The following PIK3CB variants were observed in gnomAD, a reference collection of about 807,000 sequenced individuals.
The protein encoded by PIK3CB is phosphatidylinositol 4,5-bisphosphate 3-kinase catalytic subunit beta isoform.
Under a neutral mutation model 136.8 loss-of-function variants are expected in PIK3CB, and 39 were observed. That is an observed-to-expected ratio of 0.29 (90% CI 0.22 to 0.37). The LOEUF (loss-of-function observed/expected upper bound fraction) is 0.37. Among genes scored for constraint, PIK3CB ranks in the 10% least tolerant of loss-of-function variants. The pLI, the probability that PIK3CB is intolerant of heterozygous loss-of-function variation, is 1.00. For missense variants in PIK3CB, 868 were observed against 1,275.4 expected, an observed-to-expected ratio of 0.68 and a Z score of 4.87; for synonymous variants, 428 against 436.6, an observed-to-expected ratio of 0.98 and a Z score of 0.25.
At chr3:138,776,515 C>A (rs1304919890) in intron 2 of PIK3CB, among the ~76,000 whole-genome samples, 1 of 151,928 alleles carries the variant, frequency 6.6e-6, no homozygotes. Context: ...TTGACAAAAC[C>A]CTGCCTCTAC....
At chr3:138,703,330 A>G (rs1181771111) in intron 12 of PIK3CB, among the ~76,000 whole-genome samples, 1 of 152,208 alleles carries the variant, frequency 6.6e-6, no homozygotes, top group Non-Finnish European at 1.5e-5. Context: ...ACTGGCCAAA[A>G]TTAAATAGTG....
At chr3:138,793,703 G>A (rs1016771520) in intron 2 of PIK3CB, among the ~76,000 whole-genome samples, 4 of 151,610 alleles carry the variant, frequency 2.6e-5, no homozygotes, top group African/African-American at 9.7e-5. Flanking sequence ...AGGTGGATGA[G>A]GACCATAGTG....
At chr3:138,692,042 A>AC (rs2044020881) in intron 14 of PIK3CB, among the ~76,000 whole-genome samples, 1 of 152,202 alleles carries the variant, frequency 6.6e-6, no homozygotes, top group African/African-American at 2.4e-5. Context: ...TCATTGAAAT[A>AC]ATATAACAGA....
intron 13 of PIK3CB, among the ~76,000 whole-genome samples, chr3:138,697,117 C>A (rs1242346294): frequency 1.3e-5 from 2 of 152,120 alleles, no homozygotes; most frequent in African/African-American, 4.8e-5. Context: ...GCAAGAAATT[C>A]TTTCCATTGT....
intron 3 of PIK3CB, 138 bp from the exon 4 acceptor site, chr3:138,756,117 T>C: frequency 2.2e-6 from 1 of 461,022 alleles, no homozygotes; most frequent in Middle Eastern, 5.1e-4. Flanking sequence ...AAAAGATTGG[T>C]TAAATGAATT....
At chr3:138,831,021 G>T (rs183372812) in intron 1 of PIK3CB, among the ~76,000 whole-genome samples, 6 of 149,786 alleles carry the variant, frequency 4.0e-5, no homozygotes, top group African/African-American at 1.2e-4. Context: ...GGTGGCTCCC[G>T]CCTGGAGTCC....
intron 4 of PIK3CB, among the ~76,000 whole-genome samples, chr3:138,744,968 T>C (rs2045323867): frequency 6.6e-6 from 1 of 152,224 alleles, no homozygotes; most frequent in African/African-American, 2.4e-5. Context: ...TACCACAATC[T>C]ATTTCTTAAT....
intron 13 of PIK3CB, among the ~76,000 whole-genome samples, chr3:138,697,038 G>A (rs2044151573): frequency 1.3e-5 from 2 of 152,152 alleles, no homozygotes; most frequent in Admixed American, 1.3e-4. Context: ...ATTAAATCAT[G>A]TAAGTGTAAA....
chr3:138,790,823 A>G (rs2046040123), intron 2 of PIK3CB, among the ~76,000 whole-genome samples: 3 of 150,494 alleles, frequency 2.0e-5, no homozygotes, highest in South Asian at 2.1e-4. Flanking sequence ...CAAAAAAAAA[A>G]AAAAAAGAAA....
At position 138,825,676 on chromosome 3, in the gene PIK3CB, C is replaced by G. The variant is rs1933749316; in HGVS notation, c.-122+9019G>C. 8 of 650,814 alleles carry G rather than the reference C, an allele frequency of 1.2e-5. No individual in the cohort carries two copies. In the South Asian group the frequency reaches 1.3e-4, roughly 10 times the overall value. 40.3% of individuals were successfully genotyped at this position (650,814 alleles called of 1,614,324 possible). On this transcript the variant is annotated intron_variant, in intron 1 of 23. Transcript: ENST00000674063. Reference sequence around the variant, plus strand: ...ACCACTAACTCATCCAACTGACAAACCCTTGCATCTGTCTCTCCAGGATGT... The same window carrying G: ...ACCACTAACTCATCCAACTGACAAAGCCTTGCATCTGTCTCTCCAGGATGT...
intron 6 of PIK3CB, among the ~76,000 whole-genome samples, chr3:138,736,105 GTTAAA>G (rs2045097772): frequency 6.6e-6 from 1 of 152,234 alleles, no homozygotes; most frequent in East Asian, 1.9e-4. Context: ...AAAAAGAAAT[GTTAAA>G]TTAAAGAAAC....
intron 4 of PIK3CB, among the ~76,000 whole-genome samples, chr3:138,749,835 A>C (rs2045433073): frequency 6.6e-6 from 1 of 152,184 alleles, no homozygotes; most frequent in Non-Finnish European, 1.5e-5. Context: ...ATTAATTGGC[A>C]AATAATAATT....
intron 2 of PIK3CB, among the ~76,000 whole-genome samples, chr3:138,777,074 C>T (rs1470667144): frequency 3.3e-5 from 5 of 152,170 alleles, no homozygotes; most frequent in Admixed American, 2.6e-4. Flanking sequence ...ATCACTCCTG[C>T]ACCTACTGGT....
chr3:138,684,485 C>G (rs2043842137), intron 17 of PIK3CB, 140 bp downstream of exon 17: 1 of 506,116 alleles, frequency 2.0e-6, no homozygotes, highest in South Asian at 5.2e-5. Context: ...TAAGCATAGC[C>G]TCGGAGAACT....
At chr3:138,717,881 C>T (rs991205048) in intron 8 of PIK3CB, among the ~76,000 whole-genome samples, 2 of 152,172 alleles carry the variant, frequency 1.3e-5, no homozygotes, top group African/African-American at 4.8e-5. Flanking sequence ...TTTTTTATGG[C>T]TGCACAGTAC....
At position 138,654,504 on chromosome 3, in the gene PIK3CB, T is replaced by G. The variant is rs1438189537; in HGVS notation, c.*885A>C. ...ATAGGTTTCTTTTCATTTGCTTGCTTTCTTGGATACATTTGCTCAAGTATT... is the reference window on the plus strand; with the variant it reads ...ATAGGTTTCTTTTCATTTGCTTGCTGTCTTGGATACATTTGCTCAAGTATT... On this transcript the variant is annotated 3_prime_UTR_variant, in exon 24 of 24. Transcript: ENST00000674063. 4.4e-6 allele frequency: 1 copy of G among 228,240 alleles called. No individual in the cohort carries two copies. Among genetic ancestry groups the G allele is most frequent in the Non-Finnish European group, 8.7e-6 (1 of 115,066 alleles). The allele number at this position is 228,240 out of a possible 1,614,324, so 14.1% of individuals were successfully genotyped here. A position where few individuals can be genotyped will look rare whatever the true frequency, so the allele number is the denominator to read the frequency against.
At position 138,655,675 on chromosome 3, in the gene PIK3CB, G is replaced by T; in HGVS notation, c.3076-149C>A. ...TCTTATTTAAATATCATCTGCAGGA[G>T]GCAGAACCCCAAGATAGGGAGATAA... On this transcript the variant is annotated intron_variant, in intron 23 of 23. Transcript: ENST00000674063. The T allele has an allele frequency of 1.2e-5, 8 of 643,130 alleles. No homozygotes were observed. The South Asian group carries it at 1.5e-4, about 12-fold the overall frequency. The allele number at this position is 643,130 out of a possible 1,614,324, so 39.8% of individuals were successfully genotyped here.
At position 138,714,520 on chromosome 3, in the gene PIK3CB, G is replaced by T; in HGVS notation, c.1250C>A (p.Thr417Lys). 1.2e-6 allele frequency: 2 copies of T among 1,611,746 alleles called. No individual in the cohort carries two copies. Among genetic ancestry groups the T allele is most frequent in the South Asian group, 1.1e-5 (1 of 91,014 alleles). Residue 417 changes from threonine to lysine, a missense_variant, in exon 9 of 24, where the codon ACG becomes AAG. Physicochemically the swap from Thr to Lys is moderately conservative, Grantham distance 78 (BLOSUM62 -1). Around this residue, in one of 4 missense-constraint regions of PIK3CB, gnomAD observed 612 missense variants for 801.1 expected, o/e 0.76. Transcript: ENST00000674063. ...ATATTTAGAGGGATTAATAGTTTTCGTTGATTTCTTCGTTTTTACTTTATC... is the reference window on the plus strand; with the variant it reads ...ATATTTAGAGGGATTAATAGTTTTCTTTGATTTCTTCGTTTTTACTTTATC... ...VLDKVKTKKS[T>K]KTINPSKYQT...
At chr3:138,718,795 T>C (rs919940767) in intron 8 of PIK3CB, among the ~76,000 whole-genome samples, 9 of 152,214 alleles carry the variant, frequency 5.9e-5, no homozygotes, top group Non-Finnish European at 1.0e-4. Flanking sequence ...ATTTATTGAA[T>C]AGGGAGTCTT....
Sources: gnomAD v4.1 joint callset for allele counts (sites outside exome capture counted in the v4.1 genomes callset) on GRCh38, gnomAD v4.1.1 for gene constraint, gnomAD v4.1.1 regional missense constraint, MANE v1.5 for transcripts, NCBI Gene and HGNC (gene_info 2026-07-23, HGNC 2026-07-21) for gene names.